Variants in UTP6 observed in about 807,000 individuals in gnomAD.
The protein encoded by UTP6 is U3 small nucleolar RNA-associated protein 6 homolog.
A neutral mutation model predicts 96.5 loss-of-function variants in UTP6; 60 were observed. That is an observed-to-expected ratio of 0.62 (90% CI 0.51 to 0.77). The LOEUF (loss-of-function observed/expected upper bound fraction) is 0.77, where lower values mean the gene tolerates loss of function less well. UTP6 is among the 30% of genes least tolerant of loss of function. UTP6 has a pLI of 0.00. For synonymous variants in UTP6, 215 were observed against 240.1 expected (o/e 0.90, Z 0.96); for missense variants, 637 against 706.5 (o/e 0.90, Z 1.12).
chr17:31,899,779 CGT>C, intron 1 of UTP6, 49 bp from the exon 2 acceptor site: 1 of 1,303,290 alleles, frequency 7.7e-7, no homozygotes. Flanking sequence ...AAAAATTAAA[CGT>C]TTAAGTTTAT....
chr17:31,901,624 C>T lies in UTP6; in HGVS notation c.4G>A (p.Ala2Thr). 2 of 1,613,720 alleles carry T rather than the reference C, an allele frequency of 1.2e-6. No individual in the cohort carries two copies. Among genetic ancestry groups the T allele is most frequent in the Non-Finnish European group, 8.5e-7 (1 of 1,180,018 alleles). Residue 2 changes from alanine to threonine, a missense_variant, in exon 1 of 19, where the codon GCA becomes ACA. Coordinates refer to ENST00000261708, the MANE Select transcript of UTP6 (RefSeq NM_018428.3). MAEIIQERIEDR... is the reference protein window; with the variant it reads MTEIIQERIEDR... The stretch of plus-strand genomic sequence containing the variant: ...TCTATGCGTTCCTGAATTATCTCTG[C>T]CATGAGGTCCGAGGTCTACAACCCC...
Position 31,897,584 on chromosome 17 carries a change from A to G in UTP6, c.177+2062T>C, listed in dbSNP as rs144722914. 7.4e-3 allele frequency among the ~76,000 whole-genome samples: 1,118 copies of G among 151,584 alleles called. 40 individuals are homozygous for G. Among genetic ancestry groups the G allele is most frequent in the Admixed American group, 0.064 (975 of 15,130 alleles). On this transcript the variant is annotated intron_variant, in intron 2 of 18. Transcript: ENST00000261708. The stretch of plus-strand genomic sequence containing the variant: ...CTGCCTCAGCCCCTGAGTAGCTAGG[A>G]TTACAGGCACCCAACACCACACCCG...
chr17:31,878,210 T>G, intron 13 of UTP6, 40 bp downstream of exon 13: 1 of 1,592,630 alleles, frequency 6.3e-7, no homozygotes, highest in Non-Finnish European at 8.6e-7. Context: ...TGGAATAAGG[T>G]ATTTGTAACT....
At chr17:31,883,096 G>A (rs1484952500) in intron 10 of UTP6, among the ~76,000 whole-genome samples, 1 of 152,002 alleles carries the variant, frequency 6.6e-6, no homozygotes, top group African/African-American at 2.4e-5. Flanking sequence ...CACTTTGGGA[G>A]GCTAAGGCAG....
rs1598115278 is a variant in UTP6, at chr17:31,891,045, C to A, written c.424+1215G>T. Among the ~76,000 whole-genome samples, 6 of 152,218 alleles carry A rather than the reference C, an allele frequency of 3.9e-5. 1 individual carries two copies. Among genetic ancestry groups the A allele is most frequent in the Admixed American group, 3.9e-4 (6 of 15,284 alleles). ...ATAATTTTCTCTAAAACCCTTTGTCCTTCTACATGGGAAATTAACCCTGAG... is the reference window on the plus strand; with the variant it reads ...ATAATTTTCTCTAAAACCCTTTGTCATTCTACATGGGAAATTAACCCTGAG... On this transcript the variant is annotated intron_variant, in intron 6 of 18. Transcript: ENST00000261708.
At chr17:31,899,758 T>G (rs1904864307) in intron 1 of UTP6, 28 bp from the exon 2 acceptor site, 1 of 1,476,050 alleles carries the variant, frequency 6.8e-7, no homozygotes, top group African/African-American at 1.4e-5. Flanking sequence ...TAAACTTCAC[T>G]TGAAAACTGC....
At chr17:31,890,261 G>A (rs866498109) in intron 6 of UTP6, among the ~76,000 whole-genome samples, 3 of 151,784 alleles carry the variant, frequency 2.0e-5, no homozygotes, top group Non-Finnish European at 4.4e-5. Context: ...TTCCCAAAGT[G>A]CTGGGATTAT....
intron 2 of UTP6, among the ~76,000 whole-genome samples, chr17:31,895,876 T>A (rs1426695902): frequency 6.6e-6 from 1 of 151,412 alleles, no homozygotes; most frequent in Non-Finnish European, 1.5e-5. Flanking sequence ...TTTAGCTATA[T>A]CCCTATTCAC....
Position 31,889,224 on chromosome 17 carries a change from T to A in UTP6, c.543+61A>T, listed in dbSNP as rs576205262. The stretch of plus-strand genomic sequence containing the variant: ...ATTGCTTGAATCCAGGAAAAAAAAA[T>A]ATGTCTCCAGAGGACCAAACTGAAA... On this transcript the variant is annotated intron_variant, in intron 7 of 18. Coordinates refer to ENST00000261708, the MANE Select transcript of UTP6 (RefSeq NM_018428.3). 1.0e-5 allele frequency: 13 copies of A among 1,288,590 alleles called. No individual in the cohort carries two copies. In the African/African-American group the frequency reaches 1.3e-4, roughly 13 times the overall value. 79.8% of individuals were successfully genotyped at this position (1,288,590 alleles called of 1,614,324 possible).
chr17:31,863,206 T>G lies in UTP6; in HGVS notation c.*153A>C, dbSNP rs997560060. 3 of 833,336 alleles carry G rather than the reference T, an allele frequency of 3.6e-6. No homozygotes were observed. The highest frequency in any genetic ancestry group is 5.6e-6 in the Non-Finnish European group (3 of 534,022). The allele number at this position is 833,336 out of a possible 1,614,324, so 51.6% of individuals were successfully genotyped here. A position where few individuals can be genotyped will look rare whatever the true frequency, so the allele number is the denominator to read the frequency against. On this transcript the variant is annotated 3_prime_UTR_variant, in exon 19 of 19. Transcript: ENST00000261708. Reference sequence around the variant, plus strand: ...AAAAATTTTTTAATTTTTAAAAAGATTTAACAAGTTAACATAAAATTAAAG... The same window carrying G: ...AAAAATTTTTTAATTTTTAAAAAGAGTTAACAAGTTAACATAAAATTAAAG...
intron 16 of UTP6, among the ~76,000 whole-genome samples, chr17:31,870,126 G>GTGA (rs1443626842): frequency 5.9e-5 from 9 of 152,228 alleles, no homozygotes; most frequent in Non-Finnish European, 1.3e-4. Flanking sequence ...GAATAGTGCT[G>GTGA]TGATGAACAT....
Position 31,886,079 on chromosome 17 carries a change from A to G in UTP6, c.622-18T>C. 6.2e-7 allele frequency: 1 copy of G among 1,605,932 alleles called. No individual in the cohort carries two copies. Among genetic ancestry groups the G allele is most frequent in the Non-Finnish European group, 8.5e-7 (1 of 1,176,440 alleles). ...GGATTCTCCTAAAGAGTGTTATATC[A>G]AACGTAACTTAACAGGTAGTACAAG... On this transcript the variant is annotated intron_variant, in intron 8 of 18. Transcript: ENST00000261708.
intron 2 of UTP6, among the ~76,000 whole-genome samples, chr17:31,896,295 C>A (rs1365580204): frequency 6.6e-6 from 1 of 151,932 alleles, no homozygotes; most frequent in African/African-American, 2.4e-5. Flanking sequence ...CCAGGCTGAT[C>A]TCCAACTCCC....
In UTP6 at chr17:31,873,711, C is replaced by T. The variant is rs1235611713; in HGVS notation, c.1348G>A (p.Gly450Ser). The T allele has an allele frequency of 4.3e-6, 7 of 1,612,294 alleles. No individual in the cohort carries two copies. The Admixed American group carries it at 1.0e-4, about 23-fold the overall frequency. The change falls in exon 15 of 19, where the codon GGT (glycine) becomes AGT (serine). Residue 450 changes from glycine to serine, a missense_variant. Coordinates refer to ENST00000261708, the MANE Select transcript of UTP6 (RefSeq NM_018428.3). Reference sequence around the variant, plus strand: ...TCAGTGTCTTCTTGGCTTTTGGCACCTTCACTCCACTCTGCCCAGGAAATC... The same window carrying T: ...TCAGTGTCTTCTTGGCTTTTGGCACTTTCACTCCACTCTGCCCAGGAAATC... ...LWISWAEWSE[G>S]AKSQEDTEAV...
At chr17:31,899,865 G>T in intron 1 of UTP6, 135 bp from the exon 2 acceptor site, 1 of 672,620 alleles carries the variant, frequency 1.5e-6, no homozygotes, top group Non-Finnish European at 2.3e-6. Flanking sequence ...AGTATTATCG[G>T]CCGGACACAG....
intron 8 of UTP6, 118 bp downstream of exon 8, chr17:31,887,118 G>T: frequency 1.1e-6 from 1 of 885,644 alleles, no homozygotes. Flanking sequence ...CCGAGACTCC[G>T]TCTCAAAAAA....
chr17:31,863,184 A>G lies in UTP6; in HGVS notation c.*175T>C, dbSNP rs914601962. The G allele has an allele frequency of 1.5e-6, 1 of 688,726 alleles. No individual in the cohort carries two copies. Among genetic ancestry groups the G allele is most frequent in the South Asian group, 2.0e-5 (1 of 50,400 alleles). 42.7% of individuals were successfully genotyped at this position (688,726 alleles called of 1,614,324 possible). On this transcript the variant is annotated 3_prime_UTR_variant, in exon 19 of 19. Transcript: ENST00000261708. ...AGCAAGACCCAGTCTCAATCATAAA[A>G]ATTTTTTAATTTTTAAAAAGATTTA... is the stretch of plus-strand genomic sequence containing the variant.
rs1383988189 is a variant in UTP6, at chr17:31,901,678, G to C, written c.-51C>G. 1.3e-6 allele frequency: 2 copies of C among 1,574,542 alleles called. No individual in the cohort carries two copies. Among genetic ancestry groups the C allele is most frequent in the Admixed American group, 1.7e-5 (1 of 59,890 alleles). ...GGTAGCTTCTCAACAGCGAACACGAGCAGGAAGCTCCCGGTTTCAGGTTCG... is the reference window on the plus strand; with the variant it reads ...GGTAGCTTCTCAACAGCGAACACGACCAGGAAGCTCCCGGTTTCAGGTTCG... On this transcript the variant is annotated 5_prime_UTR_variant, in exon 1 of 19. Coordinates refer to ENST00000261708, the MANE Select transcript of UTP6 (RefSeq NM_018428.3).
In UTP6 at chr17:31,862,480, C is replaced by T. The variant is rs1909592030; in HGVS notation, c.*879G>A. 1 of 152,060 alleles carries T rather than the reference C, an allele frequency of 6.6e-6. No individual in the cohort carries two copies. Among genetic ancestry groups the T allele is most frequent in the Admixed American group, 6.6e-5 (1 of 15,254 alleles). The allele number at this position is 152,060 out of a possible 1,614,324, so 9.4% of individuals were successfully genotyped here. A position where few individuals can be genotyped will look rare whatever the true frequency, so the allele number is the denominator to read the frequency against. On this transcript the variant is annotated 3_prime_UTR_variant, in exon 19 of 19. Transcript: ENST00000261708. ...CCCAGTGACAGGATGCTTTTTTTTA[C>T]CACACTATTCTATTTCCTCCATATT... is the stretch of plus-strand genomic sequence containing the variant.
Sources: gnomAD v4.1 joint callset for allele counts (sites outside exome capture counted in the v4.1 genomes callset) on GRCh38, gnomAD v4.1.1 for gene constraint, MANE v1.5 for transcripts, NCBI Gene and HGNC (gene_info 2026-07-23, HGNC 2026-07-21) for gene names.